CCDC171: variants seen among roughly 807,000 people sequenced by gnomAD.
The protein encoded by CCDC171 is coiled-coil domain-containing protein 171.
Under a neutral mutation model 168.2 loss-of-function variants are expected in CCDC171, and 177 were observed. The observed-to-expected ratio is 1.05, with a 90% CI of 0.93 to 1.19. The LOEUF (loss-of-function observed/expected upper bound fraction) is 1.19. Among genes scored for constraint, CCDC171 ranks in the 50% most tolerant of loss-of-function variants. The pLI, the probability that CCDC171 is intolerant of heterozygous loss-of-function variation, is 0.00. For missense variants in CCDC171, 1,991 were observed against 1,539.0 expected (o/e 1.29, Z -4.91); for synonymous variants, 687 against 540.8 (o/e 1.27, Z -3.75).
Position 16,036,916 on chromosome 9 carries a change from T to C in CCDC171, n.1181+710T>C, listed in dbSNP as rs919621395. 1.6e-4 allele frequency among the ~76,000 whole-genome samples: 24 copies of C among 152,250 alleles called. No homozygotes were observed. The Middle Eastern group carries it at 0.014, about 86-fold the overall frequency. On this transcript the variant is annotated intron_variant and non_coding_transcript_variant, in intron 8 of 9. Coordinates refer to the CCDC171 transcript ENST00000486641. ...GGGACATGATGTTAAGTGAGATAAG[T>C]CAGGCACAGAAAGACAAATACTGCA...
intron 11 of CCDC171, among the ~76,000 whole-genome samples, chr9:15,701,812 T>A (rs534950685): frequency 6.6e-6 from 1 of 152,324 alleles, no homozygotes; most frequent in East Asian, 1.9e-4. Context: ...AGGATTGGAA[T>A]CAACTTCTTC....
At chr9:15,738,395 T>C (rs1010947402) in intron 16 of CCDC171, among the ~76,000 whole-genome samples, 2 of 152,224 alleles carry the variant, frequency 1.3e-5, no homozygotes. Flanking sequence ...TTTGTTATGC[T>C]ATTGAATTTT....
At chr9:15,933,306 G>T (rs902359059) in intron 25 of CCDC171, among the ~76,000 whole-genome samples, 1 of 151,554 alleles carries the variant, frequency 6.6e-6, no homozygotes, top group East Asian at 1.9e-4. Flanking sequence ...CTATTTCTTC[G>T]TAATTTAATC....
At chr9:15,768,481 A>G (rs575602118) in intron 18 of CCDC171, among the ~76,000 whole-genome samples, 5 of 152,274 alleles carry the variant, frequency 3.3e-5, no homozygotes, top group South Asian at 2.1e-4. Context: ...CCACTCTTAG[A>G]CTGACCCACC....
chr9:16,087,302 G>A, the CCDC171 span, among the ~76,000 whole-genome samples: 9 of 152,030 alleles, frequency 5.9e-5, no homozygotes, highest in African/African-American at 9.7e-5. Context: ...TTTCTGTCTC[G>A]TTGTTCTGTC....
At chr9:15,722,048 A>T (rs2053518449) in intron 12 of CCDC171, among the ~76,000 whole-genome samples, 173 bp downstream of exon 12, 1 of 152,228 alleles carries the variant, frequency 6.6e-6, no homozygotes, top group Admixed American at 6.5e-5. Flanking sequence ...GCCTAAAGTC[A>T]TGTCTCACTT....
At chr9:15,784,864 A>G (rs1275615234) in intron 21 of CCDC171, among the ~76,000 whole-genome samples, 170 bp downstream of exon 21, 1 of 152,184 alleles carries the variant, frequency 6.6e-6, no homozygotes, top group Admixed American at 6.5e-5. Flanking sequence ...CTGCATTCAC[A>G]TGCATCGAGA....
chr9:15,617,078 C>T (rs1397663588), intron 6 of CCDC171, among the ~76,000 whole-genome samples: 2 of 152,166 alleles, frequency 1.3e-5, no homozygotes, highest in Non-Finnish European at 2.9e-5. Flanking sequence ...TTCTAGTTAG[C>T]AGTTCCTGTA....
chr9:15,936,001 C>T (rs926696218), intron 25 of CCDC171, among the ~76,000 whole-genome samples: 1 of 151,984 alleles, frequency 6.6e-6, no homozygotes, highest in Non-Finnish European at 1.5e-5. Context: ...CTTAGGCTGG[C>T]AATTTAGCTG....
intron 23 of CCDC171, among the ~76,000 whole-genome samples, chr9:15,857,181 GTTGA>G (rs1410738957): frequency 1.3e-5 from 2 of 151,802 alleles, no homozygotes; most frequent in Non-Finnish European, 2.9e-5. Flanking sequence ...TTTTCATTAT[GTTGA>G]TTATTATTAT....
intron 4 of CCDC171, among the ~76,000 whole-genome samples, chr9:15,580,142 G>C (rs1357461582): frequency 6.6e-6 from 1 of 152,202 alleles, no homozygotes; most frequent in Admixed American, 6.5e-5. Context: ...TTCACCAGTA[G>C]TGCTGGGATA....
At chr9:15,628,248 AG>A (rs201160436) in intron 7 of CCDC171, among the ~76,000 whole-genome samples, 8,219 of 152,204 alleles carry the variant, frequency 0.054, 266 homozygotes, top group African/African-American at 0.088. Context: ...GGGAAGCGCA[AG>A]GGGTCACGGA....
chr9:15,754,951 T>C (rs2056007517), intron 18 of CCDC171, among the ~76,000 whole-genome samples: 3 of 152,170 alleles, frequency 2.0e-5, no homozygotes, highest in Non-Finnish European at 4.4e-5. Context: ...AATTTCAAGG[T>C]AATTTAAATG....
intron 6 of CCDC171, among the ~76,000 whole-genome samples, chr9:15,619,128 C>T (rs2044319691): frequency 6.6e-6 from 1 of 152,090 alleles, no homozygotes; most frequent in African/African-American, 2.4e-5. Flanking sequence ...GTCTGGCCTT[C>T]CTACTCCTTG....
intron 11 of CCDC171, among the ~76,000 whole-genome samples, chr9:15,715,882 G>A (rs942465163): frequency 1.3e-5 from 2 of 152,192 alleles, no homozygotes; most frequent in Non-Finnish European, 2.9e-5. Flanking sequence ...AAGGAAACGT[G>A]TAAATAGAGG....
At chr9:15,849,805 TA>T (rs1019599555) in intron 23 of CCDC171, among the ~76,000 whole-genome samples, 43 of 151,918 alleles carry the variant, frequency 2.8e-4, no homozygotes, top group African/African-American at 9.6e-4. Flanking sequence ...TAAAATACCC[TA>T]AAACTAACCT....
intron 24 of CCDC171, among the ~76,000 whole-genome samples, chr9:15,890,468 C>G (rs1271683559): frequency 6.6e-6 from 1 of 151,272 alleles, no homozygotes; most frequent in African/African-American, 2.4e-5. Flanking sequence ...AGCTCTGCAG[C>G]AGTGAAGTCT....
the CCDC171 span, among the ~76,000 whole-genome samples, chr9:16,073,683 C>G: frequency 6.6e-6 from 1 of 152,288 alleles, no homozygotes; most frequent in Non-Finnish European, 1.5e-5. Flanking sequence ...GGGTGGCAAA[C>G]CTCACCAAAT....
intron 24 of CCDC171, among the ~76,000 whole-genome samples, chr9:15,894,754 G>C (rs1188745708): frequency 1.3e-5 from 2 of 151,982 alleles, no homozygotes; most frequent in African/African-American, 4.8e-5. Flanking sequence ...CTTCATTTAT[G>C]TCTTTGCATA....
Sources: allele counts gnomAD v4.1 joint callset (sites outside exome capture counted in the v4.1 genomes callset), GRCh38; gene constraint gnomAD v4.1.1; transcripts MANE v1.5; gene names NCBI Gene and HGNC (gene_info 2026-07-23, HGNC 2026-07-21).